The following GOLIM4 variants were observed in gnomAD, a reference collection of about 807,000 sequenced individuals.
The protein encoded by GOLIM4 is 130 kDa golgi-localized phosphoprotein.
Under a neutral mutation model 107.4 loss-of-function variants are expected in GOLIM4, and 71 were observed. That is an observed-to-expected ratio of 0.66 (90% confidence interval 0.55 to 0.81). The LOEUF (loss-of-function observed/expected upper bound fraction) is 0.81. Among genes scored for constraint, GOLIM4 ranks in the 30% least tolerant of loss-of-function variants. The pLI, the probability that GOLIM4 is intolerant of heterozygous loss-of-function variation, is 0.00. For missense variants in GOLIM4, 830 were observed against 826.1 expected, an observed-to-expected ratio of 1.00 and a Z score of -0.06; for synonymous variants, 327 against 294.8, an observed-to-expected ratio of 1.11 and a Z score of -1.12.
At chr3:168,084,915 G>A (rs986324604) in intron 1 of GOLIM4, among the ~76,000 whole-genome samples, 6 of 152,038 alleles carry the variant, frequency 3.9e-5, no homozygotes, top group Admixed American at 3.9e-4. Flanking sequence ...ACACTTAGGT[G>A]TAGTTAATGT....
rs746599726 is a variant in GOLIM4, at chr3:168,010,285, C to T, written c.2075G>A (p.Arg692Gln). Residue 692 changes from arginine to glutamine, a missense_variant, in exon 16 of 16, where the codon CGA (arginine) becomes CAA (glutamine). By Grantham distance (43) the Arg-to-Gln change is conservative. Transcript: ENST00000470487. ...TGGGTGCCGCTACATTTCAGCTCTT[C>T]GATGTGATTTCTCAGCAACTGCAGC... ...DGAAVAEKSH[R>Q]RAEM The T allele has an allele frequency of 1.6e-5, 25 of 1,612,542 alleles. No homozygotes were observed. Among genetic ancestry groups the T allele is most frequent in the South Asian group, 3.3e-5 (3 of 90,744 alleles).
At chr3:168,071,750 GA>G (rs1391923126) in intron 1 of GOLIM4, among the ~76,000 whole-genome samples, 1 of 151,798 alleles carries the variant, frequency 6.6e-6, no homozygotes, top group Non-Finnish European at 1.5e-5. Context: ...TGAGGGAGTG[GA>G]AAAATGTAGG....
intron 14 of GOLIM4, among the ~76,000 whole-genome samples, chr3:168,014,884 G>A (rs1431735390): frequency 1.1e-4 from 17 of 150,576 alleles, no homozygotes; most frequent in East Asian, 5.9e-4. Flanking sequence ...TTGATGGGAC[G>A]TATTTCAAAA....
chr3:168,032,459 G>T, intron 9 of GOLIM4, 61 bp downstream of exon 9: 1 of 1,163,322 alleles, frequency 8.6e-7, no homozygotes, highest in Non-Finnish European at 1.3e-6. Flanking sequence ...ACCTTAATAT[G>T]TAAAAATAAA....
chr3:168,057,044 G>C (rs1021443901), intron 1 of GOLIM4, among the ~76,000 whole-genome samples: 1 of 152,124 alleles, frequency 6.6e-6, no homozygotes, highest in African/African-American at 2.4e-5. Flanking sequence ...TATGTTGAGG[G>C]GGGGACCCGG....
intron 1 of GOLIM4, among the ~76,000 whole-genome samples, chr3:168,080,086 T>A (rs1042110785): frequency 6.6e-6 from 1 of 152,140 alleles, no homozygotes. Flanking sequence ...TATGGAAGTA[T>A]ATAATAACAA....
At chr3:168,019,423 C>T (rs768343167) in intron 14 of GOLIM4, among the ~76,000 whole-genome samples, 1 of 152,110 alleles carries the variant, frequency 6.6e-6, no homozygotes, top group Non-Finnish European at 1.5e-5. Context: ...CTGTGATTAT[C>T]ACACCTGATA....
chr3:168,090,048 G>A (rs577541336), intron 1 of GOLIM4, among the ~76,000 whole-genome samples: 6 of 152,294 alleles, frequency 3.9e-5, no homozygotes, highest in East Asian at 1.9e-4. Flanking sequence ...GATTACAGGC[G>A]AGAGACAGGG....
chr3:168,070,197 T>C (rs1483154067), intron 1 of GOLIM4, among the ~76,000 whole-genome samples: 1 of 152,128 alleles, frequency 6.6e-6, no homozygotes, highest in African/African-American at 2.4e-5. Context: ...ATGGAGACCA[T>C]CCTGGCTAAC....
intron 14 of GOLIM4, among the ~76,000 whole-genome samples, chr3:168,019,014 GACAATACGTAA>G (rs1422674385): frequency 4.0e-5 from 6 of 150,432 alleles, no homozygotes; most frequent in African/African-American, 1.5e-4. Context: ...AAAAACTATA[GACAATACGTAA>G]ACAAGCAGAC....
intron 14 of GOLIM4, among the ~76,000 whole-genome samples, chr3:168,023,302 C>G (rs1233734621): frequency 6.6e-6 from 1 of 152,196 alleles, no homozygotes; most frequent in African/African-American, 2.4e-5. Context: ...TTCTCTGCTG[C>G]TCTCTTTCTG....
At chr3:168,074,019 T>C (rs147111841) in intron 1 of GOLIM4, among the ~76,000 whole-genome samples, 90 of 152,220 alleles carry the variant, frequency 5.9e-4, no homozygotes, top group African/African-American at 2.1e-3. Flanking sequence ...GTGGCTTCCA[T>C]GTTGGGCTCC....
At chr3:168,034,836 T>G (rs921845979) in intron 8 of GOLIM4, among the ~76,000 whole-genome samples, 1 of 152,166 alleles carries the variant, frequency 6.6e-6, no homozygotes, top group Non-Finnish European at 1.5e-5. Flanking sequence ...GCACAAGCTC[T>G]CTCTCTCTGC....
chr3:168,010,346 G>GT lies in GOLIM4; in HGVS notation c.2013dup (p.His672ThrfsTer17). 6.2e-7 allele frequency: 1 copy of GT among 1,613,358 alleles called. No homozygotes were observed. Among genetic ancestry groups the GT allele is most frequent in the Admixed American group, 1.7e-5 (1 of 60,000 alleles). ...TCCTCCTCTTCTTCCTCCTCGTAGTGTTCCTCTCGGCCTTTGGGGCGGTTG... is the reference window on the plus strand; with the variant it reads ...TCCTCCTCTTCTTCCTCCTCGTAGTGTTTCCTCTCGGCCTTTGGGGCGGTTG... On this transcript the variant is annotated frameshift_variant, in exon 16 of 16. Transcript: ENST00000470487. LOFTEE classifies it high-confidence loss of function.
At chr3:168,093,066 T>C (rs1214980164) in intron 1 of GOLIM4, among the ~76,000 whole-genome samples, 1 of 151,948 alleles carries the variant, frequency 6.6e-6, no homozygotes, top group Non-Finnish European at 1.5e-5. Flanking sequence ...ATTTACCACC[T>C]CTCTTCCCCA....
chr3:168,028,421 C>T (rs551970289), intron 11 of GOLIM4, among the ~76,000 whole-genome samples: 4 of 152,032 alleles, frequency 2.6e-5, no homozygotes. Context: ...TGTATGAGCA[C>T]AAAAAGAGAA....
intron 1 of GOLIM4, among the ~76,000 whole-genome samples, chr3:168,079,663 C>G (rs1419392171): frequency 6.6e-6 from 1 of 151,960 alleles, no homozygotes; most frequent in Non-Finnish European, 1.5e-5. Context: ...GGGTTTTAAT[C>G]TTTTTATCTT....
At chr3:168,015,369 C>T (rs936058608) in intron 14 of GOLIM4, among the ~76,000 whole-genome samples, 5 of 148,096 alleles carry the variant, frequency 3.4e-5, no homozygotes, top group Admixed American at 6.7e-5. Flanking sequence ...AACTACAAAC[C>T]ACTGCTCAAG....
chr3:168,029,775 G>C lies in GOLIM4; in HGVS notation c.1433+5C>G. ...TCTTCGTTCATTAAGGAAGGGGAAG[G>C]CTACCGGAGCTGCTCCTGGTGCTGC... is the stretch of plus-strand genomic sequence containing the variant. On this transcript the variant is annotated splice_donor_5th_base_variant and intron_variant, in intron 10 of 15. Transcript: ENST00000470487. 6.2e-7 allele frequency: 1 copy of C among 1,611,632 alleles called. No individual in the cohort carries two copies. The highest frequency in any genetic ancestry group is 8.5e-7 in the Non-Finnish European group (1 of 1,178,574).
Sources: gnomAD v4.1 joint callset for allele counts (sites outside exome capture counted in the v4.1 genomes callset) on GRCh38, gnomAD v4.1.1 for gene constraint, MANE v1.5 for transcripts, NCBI Gene and HGNC (gene_info 2026-07-23, HGNC 2026-07-21) for gene names.